Variants in FRMPD1 observed in about 807,000 individuals in gnomAD.
The protein encoded by FRMPD1 is FERM and PDZ domain-containing protein 1.
In FRMPD1, 76 loss-of-function variants were observed where a neutral mutation model predicts 117.8. The ratio of observed to expected loss-of-function variants is 0.65; its 90% confidence interval spans 0.54 to 0.78. The LOEUF (loss-of-function observed/expected upper bound fraction) is 0.78. FRMPD1 is among the 30% of genes least tolerant of loss of function. FRMPD1 has a pLI of 0.00. For synonymous variants in FRMPD1, 783 were observed against 770.4 expected, an observed-to-expected ratio of 1.02 and a Z score of -0.27; for missense variants, 1,786 against 1,964.5, an observed-to-expected ratio of 0.91 and a Z score of 1.72.
the FRMPD1 span, among the ~76,000 whole-genome samples, chr9:37,610,541 A>G: frequency 1.3e-5 from 2 of 151,956 alleles, no homozygotes; most frequent in African/African-American, 2.4e-5. Context: ...TTCATTTATC[A>G]TATCATATAT....
chr9:37,613,471 A>G, the FRMPD1 span, among the ~76,000 whole-genome samples: 54 of 152,320 alleles, frequency 3.5e-4, no homozygotes, highest in South Asian at 6.2e-4. Context: ...TATAATTATA[A>G]CTAAGGGAGC....
At chr9:37,737,356 T>C in intron 14 of FRMPD1, 113 bp downstream of exon 14, 1 of 797,718 alleles carries the variant, frequency 1.3e-6, no homozygotes, top group South Asian at 1.7e-5. Flanking sequence ...TCAGCTCAAG[T>C]GGATGAGAGC....
chr9:37,740,017 TAGA>T lies in FRMPD1; in HGVS notation c.1550-58_1550-56del, dbSNP rs898786250. The T allele has an allele frequency of 1.6e-6, 2 of 1,284,586 alleles. No individual in the cohort carries two copies. The highest frequency in any genetic ancestry group is 1.5e-5 in the African/African-American group (1 of 67,380). 79.6% of individuals were successfully genotyped at this position (1,284,586 alleles called of 1,614,324 possible). A position where few individuals can be genotyped will look rare whatever the true frequency, so the allele number is the denominator to read the frequency against. On this transcript the variant is annotated intron_variant, in intron 14 of 15. Transcript: ENST00000377765. The surrounding 1 kb of genome is among the most constrained non-coding windows in gnomAD (Gnocchi z 4.2). ...CAGGGTTGGGTGGGGGTCAGGGGGC[TAGA>T]AGGACACATAGGTAGGAGAATTCTG...
At chr9:37,637,972 CTTT>C in the FRMPD1 span, among the ~76,000 whole-genome samples, 1 of 70,434 alleles carries the variant, frequency 1.4e-5, no homozygotes, top group Non-Finnish European at 2.9e-5. Flanking sequence ...TGCTTTCTTT[CTTT>C]CTTTCTTTCT....
At position 37,699,321 on chromosome 9, in the gene FRMPD1, CT is replaced by C. The variant is rs3076723; in HGVS notation, c.101+6595del. Among the ~76,000 whole-genome samples, 768 of 137,876 alleles carry C rather than the reference CT, an allele frequency of 5.6e-3. 3 individuals are homozygous for C. The highest frequency in any genetic ancestry group is 0.011 in the African/African-American group (399 of 37,324). The allele number at this position is 137,876 out of a possible 152,430, so 90.5% of individuals were successfully genotyped here. On this transcript the variant is annotated intron_variant, in intron 2 of 15. Transcript: ENST00000377765. The stretch of plus-strand genomic sequence containing the variant: ...TTTACTGAATTCTCTCTGTCTCTCT[CT>C]TTTTTTTTTTTTTTTGAGATAGGGT...
chr9:37,603,840 G>A, the FRMPD1 span, among the ~76,000 whole-genome samples: 14 of 152,032 alleles, frequency 9.2e-5, no homozygotes, highest in Admixed American at 7.2e-4. Flanking sequence ...CACCACGCCC[G>A]GCTAATTTTT....
intron 10 of FRMPD1, among the ~76,000 whole-genome samples, chr9:37,732,689 C>T (rs1823944882): frequency 6.6e-6 from 1 of 152,214 alleles, no homozygotes; most frequent in Non-Finnish European, 1.5e-5. Context: ...TTGCCTGTTC[C>T]TGGGAAGATG....
chr9:37,738,113 A>C (rs1026293262), intron 14 of FRMPD1, among the ~76,000 whole-genome samples: 1 of 152,174 alleles, frequency 6.6e-6, no homozygotes, highest in Non-Finnish European at 1.5e-5. Flanking sequence ...GTTTGAAGGA[A>C]TTGCCCAATT....
intron 7 of FRMPD1, among the ~76,000 whole-genome samples, chr9:37,725,685 C>T (rs947601669): frequency 1.3e-5 from 2 of 152,348 alleles, no homozygotes; most frequent in East Asian, 1.9e-4. Flanking sequence ...ATGCCAGGCA[C>T]GCTTCCTGGG....
chr9:37,612,417 C>T, the FRMPD1 span, among the ~76,000 whole-genome samples: 5 of 152,056 alleles, frequency 3.3e-5, no homozygotes, highest in Admixed American at 6.6e-5. Flanking sequence ...GGCGTGATCT[C>T]GGCTCACTGC....
At chr9:37,621,162 A>G in the FRMPD1 span, among the ~76,000 whole-genome samples, 1 of 152,304 alleles carries the variant, frequency 6.6e-6, no homozygotes, top group Non-Finnish European at 1.5e-5. Context: ...GTAACTGAGG[A>G]GGATAAAGGA....
At chr9:37,607,456 A>G in the FRMPD1 span, among the ~76,000 whole-genome samples, 7 of 152,180 alleles carry the variant, frequency 4.6e-5, no homozygotes, top group African/African-American at 1.7e-4. Flanking sequence ...AACAAGGATT[A>G]GGGGAAAAAG....
In FRMPD1 at chr9:37,740,569, G is replaced by A; in HGVS notation, c.2041G>A (p.Glu681Lys). 6.2e-7 allele frequency: 1 copy of A among 1,614,240 alleles called. No individual in the cohort carries two copies. Among genetic ancestry groups the A allele is most frequent in the African/African-American group, 1.3e-5 (1 of 75,056 alleles). The change falls in exon 15 of 16, where the codon GAG becomes AAG. Residue 681 changes from glutamate to lysine, a missense_variant. Transcript: ENST00000377765. The surrounding 1 kb of genome is among the most constrained non-coding windows in gnomAD (Gnocchi z 4.2). Reference protein sequence around the residue: ...KTEFSESAALETFGWAPELST... With the variant: ...KTEFSESAALKTFGWAPELST... Reference sequence around the variant, plus strand: ...AGAGTTTTCCGAGAGTGCTGCTTTGGAGACATTTGGCTGGGCACCAGAACT... The same window carrying A: ...AGAGTTTTCCGAGAGTGCTGCTTTGAAGACATTTGGCTGGGCACCAGAACT...
chr9:37,675,117 TG>T, intron 1 of FRMPD1, among the ~76,000 whole-genome samples: 1 of 152,226 alleles, frequency 6.6e-6, no homozygotes, highest in Non-Finnish European at 1.5e-5. Flanking sequence ...GGTGCTACAA[TG>T]ATCCACGTAA....
At chr9:37,722,117 A>T (rs962373356) in intron 6 of FRMPD1, among the ~76,000 whole-genome samples, 1 of 152,256 alleles carries the variant, frequency 6.6e-6, no homozygotes, top group Non-Finnish European at 1.5e-5. Flanking sequence ...AGATGGCAGC[A>T]GAGTAAGCGG....
chr9:37,737,823 T>TAAAAAA (rs35965958), intron 14 of FRMPD1, among the ~76,000 whole-genome samples: 1 of 106,306 alleles, frequency 9.4e-6, no homozygotes, highest in African/African-American at 3.6e-5. Flanking sequence ...AACTCCATCT[T>TAAAAAA]AAAAAAAAAA....
chr9:37,665,582 TTTGTAA>T (rs1189880832), intron 1 of FRMPD1, among the ~76,000 whole-genome samples: 2 of 152,204 alleles, frequency 1.3e-5, no homozygotes, highest in Non-Finnish European at 2.9e-5. Flanking sequence ...TTCCACTCCA[TTTGTAA>T]TTGAGCCCAG....
the FRMPD1 span, among the ~76,000 whole-genome samples, chr9:37,628,563 G>T: frequency 0.14 from 20,954 of 152,204 alleles, 1,562 homozygotes; most frequent in Admixed American, 0.2. Flanking sequence ...GATCCCAGGA[G>T]TCTCATTGGA....
chr9:37,715,220 C>A (rs112696576), intron 5 of FRMPD1, among the ~76,000 whole-genome samples: 27 of 152,192 alleles, frequency 1.8e-4, no homozygotes, highest in African/African-American at 6.3e-4. Context: ...TATTTATTGT[C>A]TTATTTAATT....
Sources: gnomAD v4.1 joint callset for allele counts (sites outside exome capture counted in the v4.1 genomes callset) on GRCh38, gnomAD v4.1.1 for gene constraint, Gnocchi (gnomAD v3.1) non-coding constraint, MANE v1.5 for transcripts, NCBI Gene and HGNC (gene_info 2026-07-23, HGNC 2026-07-21) for gene names.